ABI3BP: variants seen among roughly 807,000 people sequenced by gnomAD.
ABI3BP encodes target of Nesh-SH3.
Under a neutral mutation model 268.6 loss-of-function variants are expected in ABI3BP, and 216 were observed. The observed-to-expected ratio is 0.80, with a 90% CI of 0.72 to 0.90. The LOEUF is 0.90. Among genes scored for constraint, ABI3BP ranks in the 40% least tolerant of loss-of-function variants. The pLI is 0.00. For missense variants in ABI3BP, 2,090 were observed against 2,182.4 expected (o/e 0.96, Z 0.84); for synonymous variants, 730 against 730.0 (o/e 1.00, Z 0.00).
At chr3:100,760,153 A>G (rs948358541) in intron 63 of ABI3BP, among the ~76,000 whole-genome samples, 9 of 152,356 alleles carry the variant, frequency 5.9e-5, no homozygotes, top group African/African-American at 2.2e-4. Context: ...TGTTCTTCAA[A>G]ATCCTCCCAA....
At chr3:100,869,806 C>T (rs2153225913) in intron 9 of ABI3BP, among the ~76,000 whole-genome samples, 1 of 152,278 alleles carries the variant, frequency 6.6e-6, no homozygotes, top group East Asian at 1.9e-4. Flanking sequence ...AAGTAAAATG[C>T]AATCAGAACA....
chr3:100,833,337 T>C (rs1279006971), intron 29 of ABI3BP, among the ~76,000 whole-genome samples, 180 bp from the exon 30 acceptor site: 2 of 152,186 alleles, frequency 1.3e-5, no homozygotes, highest in Non-Finnish European at 2.9e-5. Context: ...ATGAAACAGA[T>C]ATAACCTTAG....
Position 100,751,597 on chromosome 3 carries a change from G to T in ABI3BP, c.5200C>A (p.Arg1734Ser), listed in dbSNP as rs755148769. The T allele has an allele frequency of 3.8e-6, 6 of 1,598,574 alleles. No individual in the cohort carries two copies. The South Asian group carries it at 6.8e-5, about 18-fold the overall frequency. ...CQFVDSFLDG[R>S]TGQQLTSDQL... The stretch of plus-strand genomic sequence containing the variant: ...TCAGAAGTGAGTTGCTGCCCAGTGC[G>T]TCCATCTAAAAATGAATCCACAAAC... Residue 1734 changes from arginine (R) to serine (S), a missense_variant, in exon 67 of 68, where the codon CGC (arginine) becomes AGC (serine). By Grantham distance (110) the Arg-to-Ser change is moderately radical. Transcript: ENST00000471714.
chr3:100,909,978 A>G (rs1247349285), intron 2 of ABI3BP, among the ~76,000 whole-genome samples: 1 of 152,226 alleles, frequency 6.6e-6, no homozygotes, highest in African/African-American at 2.4e-5. Context: ...ATGTATGTTT[A>G]TTGCAGCACT....
chr3:100,848,982 C>CT, intron 17 of ABI3BP, 107 bp from the exon 18 acceptor site: 1 of 878,984 alleles, frequency 1.1e-6, no homozygotes, highest in Non-Finnish European at 1.8e-6. Flanking sequence ...TTTATATTTC[C>CT]TTGTATCCTT....
In ABI3BP at chr3:100,762,203, T is replaced by A. The variant is rs2096006380; in HGVS notation, c.4850+3638A>T. 1.3e-5 allele frequency among the ~76,000 whole-genome samples: 2 copies of A among 152,192 alleles called. 1 individual carries two copies. The highest frequency in any genetic ancestry group is 4.1e-4 in the South Asian group (2 of 4,832). ...TTTTATTAGTGTTAATCTTGGATCA[T>A]GGTTGGGTAGAAGAAACACAATGGA... On this transcript the variant is annotated intron_variant, in intron 63 of 67. Transcript: ENST00000471714.
At chr3:100,893,248 G>A (rs1159020247) in intron 4 of ABI3BP, among the ~76,000 whole-genome samples, 6 of 152,154 alleles carry the variant, frequency 3.9e-5, no homozygotes, top group African/African-American at 1.4e-4. Context: ...GCCACAGACT[G>A]AAAGCTGCAT....
At chr3:100,871,121 C>G (rs1349732730) in intron 9 of ABI3BP, among the ~76,000 whole-genome samples, 2 of 152,002 alleles carry the variant, frequency 1.3e-5, no homozygotes, top group Admixed American at 6.6e-5. Context: ...AAAACAAGAA[C>G]TATAATTATA....
chr3:100,824,814 A>G, intron 36 of ABI3BP, 44 bp downstream of exon 36: 3 of 1,482,648 alleles, frequency 2.0e-6, no homozygotes, highest in Non-Finnish European at 2.7e-6. Flanking sequence ...CCACTGCGAC[A>G]GGCTGCCAGG....
chr3:100,850,225 A>C (rs79603980), intron 16 of ABI3BP, 106 bp from the exon 17 acceptor site: 2 of 917,562 alleles, frequency 2.2e-6, no homozygotes, highest in Non-Finnish European at 3.3e-6. Context: ...CCACGAGTAC[A>C]TGATTAAAGA....
chr3:100,864,148 G>A (rs2099026531), intron 11 of ABI3BP, 72 bp from the exon 12 acceptor site: 4 of 953,070 alleles, frequency 4.2e-6, no homozygotes, highest in African/African-American at 1.6e-5. Context: ...CCATGATCAT[G>A]CACAGCAAGC....
chr3:100,850,634 T>C, intron 16 of ABI3BP, 26 bp downstream of exon 16: 3 of 1,560,862 alleles, frequency 1.9e-6, no homozygotes, highest in Non-Finnish European at 1.8e-6. Context: ...GAAAATAAAG[T>C]ATGATTTTTC....
intron 30 of ABI3BP, 140 bp from the exon 31 acceptor site, chr3:100,832,490 T>A (rs756281123): frequency 9.2e-6 from 7 of 759,732 alleles, no homozygotes; most frequent in Non-Finnish European, 1.4e-5. Context: ...AATTTTCTCC[T>A]TCAGTATCTT....
intron 1 of ABI3BP, among the ~76,000 whole-genome samples, chr3:100,991,269 A>C (rs2092866752): frequency 1.3e-5 from 2 of 151,912 alleles, no homozygotes; most frequent in South Asian, 4.2e-4. Context: ...CTAAAGTAGA[A>C]GGAAGAACAA....
chr3:100,936,627 A>C (rs2066277741), intron 1 of ABI3BP, among the ~76,000 whole-genome samples: 1 of 151,668 alleles, frequency 6.6e-6, no homozygotes, highest in Admixed American at 6.6e-5. Context: ...TTTGGTTGTT[A>C]GGCTATTAAT....
intron 17 of ABI3BP, among the ~76,000 whole-genome samples, chr3:100,849,257 C>T (rs1037119115): frequency 2.9e-5 from 4 of 135,904 alleles, no homozygotes; most frequent in Admixed American, 1.6e-4. Flanking sequence ...GACAGAGTCT[C>T]ACTCTGTCAC....
In ABI3BP at chr3:100,796,397, T is replaced by TAATTAATTTAC; in HGVS notation, c.3817+1_3817+11dup. The TAATTAATTTAC allele has an allele frequency of 1.9e-6, 3 of 1,566,030 alleles. No individual in the cohort carries two copies. Among genetic ancestry groups the TAATTAATTTAC allele is most frequent in the Non-Finnish European group, 2.6e-6 (3 of 1,157,688 alleles). ...ATACTTCTTAGCCAGAAGGATGAAA[T>TAATTAATTTAC]AATTAATTTACCAGGTTCGCTCTGA... is the stretch of plus-strand genomic sequence containing the variant. On this transcript the variant is annotated intron_variant, in intron 52 of 67. Coordinates refer to ENST00000471714, the MANE Select transcript of ABI3BP (RefSeq NM_001375547.2).
intron 1 of ABI3BP, among the ~76,000 whole-genome samples, chr3:100,937,598 T>C (rs1371047521): frequency 6.6e-6 from 1 of 152,046 alleles, no homozygotes; most frequent in Non-Finnish European, 1.5e-5. Context: ...ATACAGACTC[T>C]CCGGATGGAA....
chr3:100,895,568 T>C (rs191871315), intron 4 of ABI3BP, among the ~76,000 whole-genome samples: 99 of 152,298 alleles, frequency 6.5e-4, no homozygotes, highest in Admixed American at 3.4e-3. Flanking sequence ...AATCAGAGAC[T>C]GTACAGAGGG....
Sources: allele counts gnomAD v4.1 joint callset (sites outside exome capture counted in the v4.1 genomes callset), GRCh38; gene constraint gnomAD v4.1.1; transcripts MANE v1.5; gene names NCBI Gene and HGNC (gene_info 2026-07-23, HGNC 2026-07-21).